The following ST8SIA2 variants were observed in gnomAD, a reference collection of about 807,000 sequenced individuals.
ST8SIA2 encodes ST8 alpha-N-acetyl-neuraminide alpha-2,8-sialyltransferase 2.
ST8SIA2 carries 22 observed loss-of-function variants against 37.6 expected under a neutral mutation model. The observed-to-expected ratio is 0.58, with a 90% confidence interval of 0.42 to 0.83. The LOEUF (loss-of-function observed/expected upper bound fraction) is 0.83, where lower values mean the gene tolerates loss of function less well. ST8SIA2 is among the 40% of genes least tolerant of loss of function. ST8SIA2 has a pLI of 0.00. For missense variants in ST8SIA2, 382 were observed against 484.7 expected (o/e 0.79, Z 1.99); for synonymous variants, 205 against 201.2 (o/e 1.02, Z -0.16).
At position 92,401,930 on chromosome 15, in the gene ST8SIA2, A is replaced by G. The variant is rs997838608; in HGVS notation, c.98+7768A>G. Among the ~76,000 whole-genome samples the G allele has an allele frequency of 4.7e-4, 71 of 151,862 alleles. 1 individual carries two copies. Among genetic ancestry groups the G allele is most frequent in the Non-Finnish European group, 1.3e-4 (9 of 67,958 alleles). ...GAGCCAGAAAAAAAAAAAAAAGTGC[A>G]ATGTAGCCATGATTATTAATAGTTT... On this transcript the variant is annotated intron_variant, in intron 1 of 5. Transcript: ENST00000268164.
At chr15:92,406,405 G>A (rs112786441) in intron 1 of ST8SIA2, among the ~76,000 whole-genome samples, 1 of 152,280 alleles carries the variant, frequency 6.6e-6, no homozygotes, top group African/African-American at 2.4e-5. Flanking sequence ...CTTGTCACTC[G>A]GTGTGGTCCT....
At chr15:92,440,364 A>G (rs1369040489) in intron 4 of ST8SIA2, among the ~76,000 whole-genome samples, 1 of 152,164 alleles carries the variant, frequency 6.6e-6, no homozygotes, top group East Asian at 1.9e-4. Context: ...GGTCTAGGGT[A>G]CAGCCGGCAA....
chr15:92,422,775 G>A lies in ST8SIA2; in HGVS notation c.99-7274G>A, dbSNP rs75853054. On this transcript the variant is annotated intron_variant, in intron 1 of 5. Coordinates refer to ENST00000268164, the MANE Select transcript of ST8SIA2 (RefSeq NM_006011.4). ...GTTCTGCAGACAACAAATTCAAAAA[G>A]CTCCTAGCCAAGTAAGTTCTGGGGC... 1.1e-3 allele frequency: 165 copies of A among 152,728 alleles called. 1 individual carries two copies. In the East Asian group the frequency reaches 0.014, roughly 13 times the overall value. 9.5% of individuals were successfully genotyped at this position (152,728 alleles called of 1,614,324 possible). A position where few individuals can be genotyped will look rare whatever the true frequency, so the allele number is the denominator to read the frequency against.
At chr15:92,395,858 G>A (rs34744002) in intron 1 of ST8SIA2, among the ~76,000 whole-genome samples, 1 of 152,088 alleles carries the variant, frequency 6.6e-6, no homozygotes, top group African/African-American at 2.4e-5. Context: ...AAACATAAGT[G>A]CTGTGCTTAT....
intron 1 of ST8SIA2, among the ~76,000 whole-genome samples, chr15:92,417,306 G>A (rs1319042910): frequency 3.9e-5 from 6 of 152,218 alleles, no homozygotes; most frequent in Admixed American, 6.5e-5. Context: ...GGAAGTGGCC[G>A]TTGCCTTAGA....
intron 1 of ST8SIA2, among the ~76,000 whole-genome samples, chr15:92,414,697 C>T (rs1021004586): frequency 6.6e-6 from 1 of 152,232 alleles, no homozygotes; most frequent in Middle Eastern, 3.2e-3. Context: ...CAACATCCAT[C>T]CATCCGAGCA....
intron 1 of ST8SIA2, among the ~76,000 whole-genome samples, chr15:92,413,799 G>T (rs914508725): frequency 6.6e-6 from 1 of 152,156 alleles, no homozygotes; most frequent in Non-Finnish European, 1.5e-5. Context: ...TTTTCACTCC[G>T]GCCCTCTTTC....
At chr15:92,444,154 C>A (rs899758957) in intron 4 of ST8SIA2, among the ~76,000 whole-genome samples, 1 of 152,142 alleles carries the variant, frequency 6.6e-6, no homozygotes, top group African/African-American at 2.4e-5. Flanking sequence ...CTGTTGTGAT[C>A]TCTATCAAAG....
At chr15:92,434,033 C>T (rs1319132762) in intron 2 of ST8SIA2, among the ~76,000 whole-genome samples, 2 of 152,124 alleles carry the variant, frequency 1.3e-5, no homozygotes, top group East Asian at 1.9e-4. Flanking sequence ...ACCCTCCTTC[C>T]TGTCTCCAAC....
At chr15:92,441,640 A>C (rs2049803328) in intron 4 of ST8SIA2, among the ~76,000 whole-genome samples, 4 of 151,896 alleles carry the variant, frequency 2.6e-5, no homozygotes, top group African/African-American at 7.3e-5. Flanking sequence ...CCATAGGGAG[A>C]ATCTGATGAA....
chr15:92,401,544 T>G (rs1048973782), intron 1 of ST8SIA2, among the ~76,000 whole-genome samples: 3 of 152,136 alleles, frequency 2.0e-5, no homozygotes, highest in African/African-American at 7.2e-5. Flanking sequence ...ACACGACATG[T>G]GTCTGTATTA....
intron 1 of ST8SIA2, among the ~76,000 whole-genome samples, chr15:92,414,489 G>A (rs986226397): frequency 6.6e-6 from 1 of 152,188 alleles, no homozygotes; most frequent in African/African-American, 2.4e-5. Flanking sequence ...TCAGACAGAG[G>A]TGTATTCAAA....
At chr15:92,406,056 G>T (rs1048260819) in intron 1 of ST8SIA2, among the ~76,000 whole-genome samples, 16 of 152,218 alleles carry the variant, frequency 1.1e-4, no homozygotes, top group Non-Finnish European at 1.8e-4. Flanking sequence ...GAAAAGAAAA[G>T]AGTCCGAGAT....
intron 1 of ST8SIA2, among the ~76,000 whole-genome samples, chr15:92,428,641 A>T (rs1415987025): frequency 6.6e-6 from 1 of 152,214 alleles, no homozygotes; most frequent in African/African-American, 2.4e-5. Context: ...ATGGAAGTAC[A>T]AGAACACTGT....
intron 5 of ST8SIA2, among the ~76,000 whole-genome samples, chr15:92,447,356 T>C (rs2049849623): frequency 6.6e-6 from 1 of 152,170 alleles, no homozygotes; most frequent in East Asian, 1.9e-4. Context: ...TTTGGGGGCA[T>C]TGTGGAAGGG....
intron 1 of ST8SIA2, among the ~76,000 whole-genome samples, chr15:92,424,324 T>C (rs2049658641): frequency 2.0e-5 from 3 of 152,178 alleles, no homozygotes. Flanking sequence ...GCTTGGTGTA[T>C]ATATCAAAAT....
chr15:92,409,452 G>C (rs1356578682), intron 1 of ST8SIA2, among the ~76,000 whole-genome samples: 2 of 152,144 alleles, frequency 1.3e-5, no homozygotes, highest in African/African-American at 4.8e-5. Flanking sequence ...TTTCTGTCTT[G>C]GAAATAGGCA....
chr15:92,398,198 G>A (rs1460512817), intron 1 of ST8SIA2, among the ~76,000 whole-genome samples: 3 of 152,188 alleles, frequency 2.0e-5, no homozygotes, highest in Non-Finnish European at 2.9e-5. Context: ...CAAGAAGAGA[G>A]CATAGGGCTC....
intron 5 of ST8SIA2, among the ~76,000 whole-genome samples, chr15:92,445,284 T>C (rs2049834204): frequency 6.6e-6 from 1 of 152,136 alleles, no homozygotes; most frequent in South Asian, 2.1e-4. Context: ...TGTGTGATTT[T>C]CAAGAAAATC....
Sources: gnomAD v4.1 joint callset for allele counts (sites outside exome capture counted in the v4.1 genomes callset) on GRCh38, gnomAD v4.1.1 for gene constraint, MANE v1.5 for transcripts, NCBI Gene and HGNC (gene_info 2026-07-23, HGNC 2026-07-21) for gene names.